The following ARHGEF3 variants were observed in gnomAD, a reference collection of about 807,000 sequenced individuals.
ARHGEF3 encodes Rho guanine nucleotide exchange factor 3, also known as 59.8 kDA protein.
ARHGEF3 carries 28 observed loss-of-function variants against 63.2 expected under a neutral mutation model. The observed-to-expected ratio is 0.44, with a 90% CI of 0.33 to 0.61. ARHGEF3 has a LOEUF of 0.61. Among genes scored for constraint, ARHGEF3 ranks in the 20% least tolerant of loss-of-function variants. The probability of loss-of-function intolerance (pLI) is 0.03; values close to 1 mark genes in which losing one functional copy is unlikely to be tolerated. For synonymous variants in ARHGEF3, 266 were observed against 254.2 expected, an observed-to-expected ratio of 1.05 and a Z score of -0.44; for missense variants, 533 against 659.3, an observed-to-expected ratio of 0.81 and a Z score of 2.10.
chr3:56,934,461 T>C (rs1295154522), intron 3 of ARHGEF3, among the ~76,000 whole-genome samples: 1 of 152,020 alleles, frequency 6.6e-6, no homozygotes, highest in African/African-American at 2.4e-5. Flanking sequence ...CAGGGAGGTG[T>C]GGAAGGAGAG....
intron 4 of ARHGEF3, among the ~76,000 whole-genome samples, chr3:56,865,339 A>G (rs1253622963): frequency 6.6e-6 from 1 of 152,250 alleles, no homozygotes; most frequent in Non-Finnish European, 1.5e-5. Context: ...CGGCAAACAG[A>G]GCAGAGCAAA....
intron 3 of ARHGEF3, among the ~76,000 whole-genome samples, chr3:56,909,768 G>A (rs1560041986): frequency 6.6e-6 from 1 of 152,124 alleles, no homozygotes; most frequent in South Asian, 2.1e-4. Flanking sequence ...CATGCAGAGT[G>A]CTTCACACAA....
At chr3:57,013,579 G>A (rs1362826744) in intron 2 of ARHGEF3, among the ~76,000 whole-genome samples, 3 of 152,054 alleles carry the variant, frequency 2.0e-5, no homozygotes, top group Non-Finnish European at 4.4e-5. Context: ...CTAATCTGGT[G>A]GGGACTTGGA....
intron 1 of ARHGEF3, among the ~76,000 whole-genome samples, chr3:56,778,937 C>G (rs2036412758): frequency 6.6e-6 from 1 of 152,116 alleles, no homozygotes; most frequent in Non-Finnish European, 1.5e-5. Context: ...GTCTTCAGGC[C>G]ATAGTTTGCT....
chr3:56,899,150 T>C (rs972679402), intron 3 of ARHGEF3, among the ~76,000 whole-genome samples: 2 of 152,158 alleles, frequency 1.3e-5, no homozygotes, highest in African/African-American at 4.8e-5. Context: ...CCCTCATTGA[T>C]GGAAAGGGGC....
At chr3:57,058,883 A>G (rs1705061762) in intron 1 of ARHGEF3, among the ~76,000 whole-genome samples, 1 of 151,482 alleles carries the variant, frequency 6.6e-6, no homozygotes, top group Admixed American at 6.6e-5. Context: ...TCAGCAAACT[A>G]TCGCAAGGAC....
At chr3:56,821,242 GGCCAAGGTTT>G in intron 4 of ARHGEF3, among the ~76,000 whole-genome samples, 1 of 152,220 alleles carries the variant, frequency 6.6e-6, no homozygotes, top group Middle Eastern at 3.4e-3. Context: ...AGTGATATAT[GGCCAAGGTTT>G]GCTTAAAATA....
At chr3:56,893,147 G>C (rs925354392) in intron 3 of ARHGEF3, among the ~76,000 whole-genome samples, 1 of 152,140 alleles carries the variant, frequency 6.6e-6, no homozygotes, top group Non-Finnish European at 1.5e-5. Context: ...GGCTGCTTAA[G>C]GTAGTCCCTT....
At chr3:56,844,367 A>G (rs114076363) in intron 4 of ARHGEF3, among the ~76,000 whole-genome samples, 6 of 152,300 alleles carry the variant, frequency 3.9e-5, no homozygotes, top group Non-Finnish European at 7.4e-5. Flanking sequence ...TTATTGTTAA[A>G]CTAATAAACA....
chr3:56,901,224 G>A lies in ARHGEF3; in HGVS notation c.130-18870C>T, dbSNP rs1348473322. Among the ~76,000 whole-genome samples the A allele has an allele frequency of 3.3e-5, 5 of 152,070 alleles. No individual in the cohort carries two copies. In the East Asian group the frequency reaches 9.6e-4, roughly 29 times the overall value. On this transcript the variant is annotated intron_variant, in intron 3 of 12. Transcript: ENST00000338458. ...ATCCACAAATGTGTATTAAATACAT[G>A]GATAAATGAATAAAGGCCCTTTCAT... is the stretch of plus-strand genomic sequence containing the variant.
At chr3:56,990,875 C>G (rs755874763) in intron 2 of ARHGEF3, among the ~76,000 whole-genome samples, 5 of 152,132 alleles carry the variant, frequency 3.3e-5, no homozygotes, top group African/African-American at 1.2e-4. Flanking sequence ...ACCAGAGGAA[C>G]AATAATCCTG....
intron 2 of ARHGEF3, among the ~76,000 whole-genome samples, chr3:56,760,911 A>AT (rs1290420119): frequency 6.6e-6 from 1 of 152,142 alleles, no homozygotes; most frequent in Non-Finnish European, 1.5e-5. Flanking sequence ...TAAAAGAAAC[A>AT]TTTTTTCTTA....
chr3:57,030,570 C>T (rs1024317979), intron 2 of ARHGEF3, among the ~76,000 whole-genome samples: 1 of 152,198 alleles, frequency 6.6e-6, no homozygotes, highest in Non-Finnish European at 1.5e-5. Flanking sequence ...ACTATCCAAC[C>T]ATTTCACCAC....
At chr3:56,865,695 T>G (rs1234023343) in intron 4 of ARHGEF3, among the ~76,000 whole-genome samples, 1 of 152,140 alleles carries the variant, frequency 6.6e-6, no homozygotes, top group Admixed American at 6.5e-5. Flanking sequence ...CCTCTGAAAT[T>G]CATATGTTGA....
rs142073085 is a variant in ARHGEF3 at position 56,981,624 on chromosome 3, T to A, written c.63-22735A>T. On this transcript the variant is annotated intron_variant, in intron 2 of 12. Transcript: ENST00000338458. ...TTCAGTCATATCTGTTTTCAGATAA[T>A]GTATCTAAAACTCAAACAGATCACA... Among the ~76,000 whole-genome samples the A allele has an allele frequency of 8.4e-3, 1,279 of 152,344 alleles. 7 individuals carry two copies. The highest frequency in any genetic ancestry group is 0.012 in the Non-Finnish European group (824 of 68,024).
At chr3:56,852,238 C>G (rs1426935696) in intron 4 of ARHGEF3, among the ~76,000 whole-genome samples, 1 of 152,202 alleles carries the variant, frequency 6.6e-6, no homozygotes, top group African/African-American at 2.4e-5. Flanking sequence ...TCCTCCTGAG[C>G]ACCCTCTGTG....
At chr3:57,059,121 C>T (rs1003075128) in intron 1 of ARHGEF3, among the ~76,000 whole-genome samples, 1 of 151,870 alleles carries the variant, frequency 6.6e-6, no homozygotes, top group African/African-American at 2.4e-5. Flanking sequence ...TGCACATGTA[C>T]CCTAAAACTT....
intron 2 of ARHGEF3, among the ~76,000 whole-genome samples, chr3:57,002,489 A>ATATATATATATATATGT (rs1702266240): frequency 2.4e-5 from 1 of 41,824 alleles, no homozygotes; most frequent in Non-Finnish European, 4.5e-5. Flanking sequence ...TTATATATAT[A>ATATATATATATATATGT]TATATATGTT....
At chr3:56,874,839 T>C (rs189940005) in intron 4 of ARHGEF3, among the ~76,000 whole-genome samples, 63 of 152,294 alleles carry the variant, frequency 4.1e-4, no homozygotes, top group South Asian at 1.0e-3. Flanking sequence ...TACTGTGACT[T>C]TGAACTAATT....
Sources: gnomAD v4.1 joint callset for allele counts (sites outside exome capture counted in the v4.1 genomes callset) on GRCh38, gnomAD v4.1.1 for gene constraint, MANE v1.5 for transcripts, NCBI Gene and HGNC (gene_info 2026-07-23, HGNC 2026-07-21) for gene names.